Variants in TRIP11 observed in about 807,000 individuals in gnomAD.
TRIP11 encodes thyroid hormone receptor interactor 11.
A neutral mutation model predicts 223.1 loss-of-function variants in TRIP11; 148 were observed. The observed-to-expected ratio is 0.66, with a 90% CI of 0.58 to 0.76. TRIP11 has a LOEUF of 0.76. TRIP11 is among the 30% of genes least tolerant of loss of function. The probability of loss-of-function intolerance (pLI) is 0.00; values close to 1 mark genes in which losing one functional copy is unlikely to be tolerated. For synonymous variants in TRIP11, 762 were observed against 772.6 expected, an observed-to-expected ratio of 0.99 and a Z score of 0.23; for missense variants, 2,043 against 2,222.0, an observed-to-expected ratio of 0.92 and a Z score of 1.62.
chr14:91,996,858 C>T lies in TRIP11; in HGVS notation c.4893-1343G>A, dbSNP rs115191134. Among the ~76,000 whole-genome samples the T allele has an allele frequency of 3.3e-3, 500 of 152,216 alleles. 5 individuals are homozygous for T. Among genetic ancestry groups the T allele is most frequent in the African/African-American group, 0.011 (468 of 41,532 alleles). On this transcript the variant is annotated intron_variant, in intron 13 of 20. Coordinates refer to ENST00000267622, the MANE Select transcript of TRIP11 (RefSeq NM_004239.4). Reference sequence around the variant, plus strand: ...CCTCTATCTCTGACTCCAGAGAGTCCTAAGAGGTAGATATAGATAAAGCAC... The same window carrying T: ...CCTCTATCTCTGACTCCAGAGAGTCTTAAGAGGTAGATATAGATAAAGCAC...
At chr14:92,000,860 T>C (rs569230762) in intron 11 of TRIP11, among the ~76,000 whole-genome samples, 3 of 149,352 alleles carry the variant, frequency 2.0e-5, no homozygotes, top group African/African-American at 7.4e-5. Flanking sequence ...CTTTCTTTTT[T>C]TTTCTTTTTT....
Position 92,005,482 on chromosome 14 carries a change from C to G in TRIP11, c.2494G>C (p.Asp832His), listed in dbSNP as rs374243914. The G allele has an allele frequency of 1.9e-6, 3 of 1,613,872 alleles. No homozygotes were observed. Among genetic ancestry groups the G allele is most frequent in the Non-Finnish European group, 2.5e-6 (3 of 1,180,014 alleles). Residue 832 changes from aspartate (D) to histidine (H), a missense_variant, in exon 11 of 21, where the codon GAT (aspartate) becomes CAT (histidine). Transcript: ENST00000267622. Reference protein sequence around the residue: ...ERSSKLQEELDKYSQALRKNE... With the variant: ...ERSSKLQEELHKYSQALRKNE... ...TTTCTTAAGGCCTGAGAATATTTAT[C>G]CAATTCCTCCTGCAGCTTTGAACTT... is the stretch of plus-strand genomic sequence containing the variant.
intron 1 of TRIP11, among the ~76,000 whole-genome samples, chr14:92,035,551 C>CA (rs1203215332): frequency 6.7e-6 from 1 of 148,944 alleles, no homozygotes; most frequent in East Asian, 2.0e-4. Flanking sequence ...AAAAAAATCG[C>CA]AAAAAACCTC....
Position 91,968,299 on chromosome 14 carries a change from T to C in TRIP11, c.*1374A>G, listed in dbSNP as rs74801826. Reference sequence around the variant, plus strand: ...ACAACTTCAACAACTAATAAAAATATGAACATCCAGATACAGTTAAGTTTC... The same window carrying C: ...ACAACTTCAACAACTAATAAAAATACGAACATCCAGATACAGTTAAGTTTC... On this transcript the variant is annotated 3_prime_UTR_variant, in exon 21 of 21. Coordinates refer to ENST00000267622, the MANE Select transcript of TRIP11 (RefSeq NM_004239.4). 4.9e-6 allele frequency: 1 copy of C among 204,570 alleles called. No individual in the cohort carries two copies. Among genetic ancestry groups the C allele is most frequent in the Admixed American group, 6.0e-5 (1 of 16,780 alleles). 12.7% of individuals were successfully genotyped at this position (204,570 alleles called of 1,614,324 possible).
chr14:92,007,320 G>A (rs1020643115), intron 10 of TRIP11, among the ~76,000 whole-genome samples: 3 of 152,116 alleles, frequency 2.0e-5, no homozygotes, highest in Non-Finnish European at 2.9e-5. Flanking sequence ...CACTGCGCCC[G>A]GCATGTTGTT....
intron 13 of TRIP11, among the ~76,000 whole-genome samples, chr14:91,998,756 G>A (rs1262401065): frequency 6.6e-6 from 1 of 151,436 alleles, no homozygotes; most frequent in Non-Finnish European, 1.5e-5. Context: ...TATAAACAGG[G>A]ACCGGGTCAC....
At chr14:91,973,605 T>C (rs554122354) in intron 19 of TRIP11, among the ~76,000 whole-genome samples, 29 of 152,316 alleles carry the variant, frequency 1.9e-4, no homozygotes, top group Non-Finnish European at 3.5e-4. Flanking sequence ...ACAAATAACA[T>C]TGTCAGATTA....
At chr14:92,038,210 G>A (rs1304431871) in intron 1 of TRIP11, among the ~76,000 whole-genome samples, 3 of 152,144 alleles carry the variant, frequency 2.0e-5, no homozygotes, top group African/African-American at 7.2e-5. Context: ...ACATTTGGCA[G>A]GAGAACAAAA....
Position 92,004,477 on chromosome 14 carries a change from G to A in TRIP11, c.3499C>T (p.Arg1167Ter), listed in dbSNP as rs538677155. 2.6e-5 allele frequency: 42 copies of A among 1,613,294 alleles called. No homozygotes were observed. The highest frequency in any genetic ancestry group is 5.0e-5 in the Admixed American group (3 of 59,996). ...ETIQNLSRII[R>*]EKDIEIDALS... Reference sequence around the variant, plus strand: ...GCATCTATTTCGATGTCTTTTTCTCGAATGATACGTGATAAATTCTGAATA... The same window carrying A: ...GCATCTATTTCGATGTCTTTTTCTCAAATGATACGTGATAAATTCTGAATA... The change falls in exon 11 of 21, where the codon CGA becomes TGA. Residue 1167 changes from arginine (R) to a stop codon, truncating the protein, a stop_gained. Transcript: ENST00000267622. LOFTEE classifies it high-confidence loss of function.
chr14:92,006,347 A>C lies in TRIP11; in HGVS notation c.1629T>G (p.Val543=). 1 of 1,611,506 alleles carries C rather than the reference A, an allele frequency of 6.2e-7. No individual in the cohort carries two copies. The highest frequency in any genetic ancestry group is 1.1e-5 in the South Asian group (1 of 90,444). Residue 543 remains valine (V), a synonymous_variant, in exon 11 of 21, where the codon GTT becomes GTG. Transcript: ENST00000267622. ...KQDLNDEKKR[V]HQLEDDKMDI... ...CCATTTTATCATCTTCAAGTTGATG[A>C]ACTCTCTTTTTTTCATCATTTAGAT...
At chr14:92,023,284 G>A (rs999744108) in intron 3 of TRIP11, among the ~76,000 whole-genome samples, 4 of 152,064 alleles carry the variant, frequency 2.6e-5, no homozygotes, top group African/African-American at 9.7e-5. Context: ...CGAATGCTTG[G>A]GACTAGAAGG....
At chr14:92,032,831 TC>T (rs531729808) in intron 2 of TRIP11, among the ~76,000 whole-genome samples, 36 of 137,604 alleles carry the variant, frequency 2.6e-4, no homozygotes, top group South Asian at 1.1e-3. Context: ...AGACCCCGTT[TC>T]AAAAAAAAAA....
intron 9 of TRIP11, 108 bp downstream of exon 9, chr14:92,010,878 A>C: frequency 9.6e-7 from 1 of 1,045,924 alleles, no homozygotes; most frequent in Non-Finnish European, 1.5e-6. Context: ...CTTTATTCTA[A>C]GGACTTGAGC....
intron 2 of TRIP11, among the ~76,000 whole-genome samples, chr14:92,030,154 G>T (rs191641895): frequency 3.0e-5 from 4 of 132,346 alleles, no homozygotes; most frequent in African/African-American, 1.2e-4. Context: ...CCTAGATCCC[G>T]CCACTGCACT....
chr14:92,021,185 G>A (rs1055589518), intron 4 of TRIP11, among the ~76,000 whole-genome samples: 1 of 151,772 alleles, frequency 6.6e-6, no homozygotes, highest in Non-Finnish European at 1.5e-5. Flanking sequence ...CTAAGGTCAG[G>A]AGTTCGAGAC....
At chr14:91,974,541 TA>T (rs1555383401) in intron 19 of TRIP11, 85 bp downstream of exon 19, 115 of 1,124,140 alleles carry the variant, frequency 1.0e-4, no homozygotes, top group Non-Finnish European at 1.3e-4. Context: ...AAAATAATTT[TA>T]AAAAAAAATC....
intron 9 of TRIP11, among the ~76,000 whole-genome samples, chr14:92,009,523 G>A (rs1185884046): frequency 6.6e-6 from 1 of 152,096 alleles, no homozygotes; most frequent in Non-Finnish European, 1.5e-5. Flanking sequence ...CAAACGACTA[G>A]GTCAGTCAGG....
intron 15 of TRIP11, among the ~76,000 whole-genome samples, chr14:91,992,035 C>A (rs1333446187): frequency 1.5e-5 from 2 of 130,338 alleles, no homozygotes; most frequent in African/African-American, 5.9e-5. Flanking sequence ...GAGCTGAGAT[C>A]ACGCCCTTGC....
At position 91,992,908 on chromosome 14, in the gene TRIP11, C is replaced by CAAAAAAAAA. The variant is rs550702989; in HGVS notation, c.5160+892_5160+900dup. 6.8e-4 allele frequency among the ~76,000 whole-genome samples: 20 copies of CAAAAAAAAA among 29,254 alleles called. 1 individual carries two copies. Among genetic ancestry groups the CAAAAAAAAA allele is most frequent in the East Asian group, 2.8e-3 (3 of 1,062 alleles). 19.2% of individuals were successfully genotyped at this position (29,254 alleles called of 152,430 possible). ...TGGGCAACAGAGCGAGACTCCGTCTCAAAAAAAAAAAAAAAAAAAAAAAAA... is the reference window on the plus strand; with the variant it reads ...TGGGCAACAGAGCGAGACTCCGTCTCAAAAAAAAAAAAAAAAAAAAAAAAAAAAAAAAAA... On this transcript the variant is annotated intron_variant, in intron 15 of 20. Transcript: ENST00000267622.
Sources: gnomAD v4.1 joint callset for allele counts (sites outside exome capture counted in the v4.1 genomes callset) on GRCh38, gnomAD v4.1.1 for gene constraint, MANE v1.5 for transcripts, NCBI Gene and HGNC (gene_info 2026-07-23, HGNC 2026-07-21) for gene names.